The following MDGA2 variants were observed in gnomAD, a reference collection of about 807,000 sequenced individuals.
MDGA2 encodes the protein MAM domain containing glycosylphosphatidylinositol anchor 2, also known as MAM domain-containing glycosylphosphatidylinositol anchor protein 2.
In MDGA2, 40 loss-of-function variants were observed where a neutral mutation model predicts 117.8. The ratio of observed to expected loss-of-function variants is 0.34; its 90% CI spans 0.26 to 0.44. MDGA2 has a LOEUF of 0.44. Ranked by LOEUF, MDGA2 falls within the 20% of genes least tolerant of loss-of-function variation. The probability of loss-of-function intolerance (pLI) is 1.00; values close to 1 mark genes in which losing one functional copy is unlikely to be tolerated. For missense variants in MDGA2, 1,123 were observed against 1,250.6 expected (o/e 0.90, Z 1.54); for synonymous variants, 452 against 439.0 (o/e 1.03, Z -0.37).
At chr14:47,661,234 G>T (rs1230303461) in intron 1 of MDGA2, among the ~76,000 whole-genome samples, 2 of 151,876 alleles carry the variant, frequency 1.3e-5, no homozygotes, top group Non-Finnish European at 2.9e-5. Context: ...TTTCATATTT[G>T]ATTCCAAATT....
At chr14:47,658,443 A>C (rs896023886) in intron 1 of MDGA2, among the ~76,000 whole-genome samples, 16 of 152,146 alleles carry the variant, frequency 1.1e-4, no homozygotes, top group African/African-American at 3.9e-4. Flanking sequence ...TGGGTTCTAG[A>C]AGAAGTAGTA....
intron 1 of MDGA2, among the ~76,000 whole-genome samples, chr14:47,474,617 G>A (rs962841412): frequency 4.6e-5 from 7 of 152,018 alleles, no homozygotes; most frequent in Non-Finnish European, 7.4e-5. Flanking sequence ...AAAACGTCAC[G>A]GTACTGGTCC....
chr14:47,393,406 T>TAA (rs11378535), intron 1 of MDGA2, among the ~76,000 whole-genome samples: 21 of 151,176 alleles, frequency 1.4e-4, no homozygotes, highest in South Asian at 1.2e-3. Flanking sequence ...TTGCAATTAT[T>TAA]AAAAAAAATA....
At chr14:46,921,270 C>T (rs770908323) in intron 9 of MDGA2, among the ~76,000 whole-genome samples, 3 of 151,936 alleles carry the variant, frequency 2.0e-5, no homozygotes, top group Non-Finnish European at 2.9e-5. Flanking sequence ...GTATTTTTAT[C>T]ATCACTCATT....
intron 2 of MDGA2, among the ~76,000 whole-genome samples, chr14:47,242,668 GC>G (rs1464343523): frequency 6.6e-6 from 1 of 151,792 alleles, no homozygotes; most frequent in African/African-American, 2.4e-5. Context: ...CTGGGCCTTG[GC>G]TGCCTTCCCG....
chr14:47,162,400 G>C (rs1033136846), intron 3 of MDGA2, among the ~76,000 whole-genome samples: 5 of 152,078 alleles, frequency 3.3e-5, no homozygotes, highest in Admixed American at 2.0e-4. Context: ...CTGGCTACAG[G>C]ATTCCTGAGT....
At chr14:47,221,504 T>C (rs935224263) in intron 2 of MDGA2, among the ~76,000 whole-genome samples, 3 of 151,940 alleles carry the variant, frequency 2.0e-5, no homozygotes, top group African/African-American at 7.2e-5. Flanking sequence ...CTGGCTAACA[T>C]GGTGAAACCC....
At chr14:47,472,086 A>G (rs1391665960) in intron 1 of MDGA2, among the ~76,000 whole-genome samples, 1 of 152,202 alleles carries the variant, frequency 6.6e-6, no homozygotes, top group Non-Finnish European at 1.5e-5. Context: ...AAAACTAATG[A>G]TAATCCAGAA....
intron 1 of MDGA2, among the ~76,000 whole-genome samples, chr14:47,380,165 A>C (rs1433327220): frequency 1.3e-5 from 2 of 152,242 alleles, no homozygotes; most frequent in Admixed American, 6.5e-5. Flanking sequence ...ATGTTCTTTG[A>C]AACCAATGAG....
At chr14:47,624,181 G>T (rs1026275934) in intron 1 of MDGA2, among the ~76,000 whole-genome samples, 4 of 152,184 alleles carry the variant, frequency 2.6e-5, no homozygotes, top group African/African-American at 9.7e-5. Context: ...TTCTAGGCCG[G>T]GTGCGGTAGC....
intron 1 of MDGA2, among the ~76,000 whole-genome samples, chr14:47,548,126 A>G (rs1219469162): frequency 6.6e-6 from 1 of 152,146 alleles, no homozygotes; most frequent in East Asian, 1.9e-4. Context: ...TGTGTAGAGT[A>G]ACTTTTACCT....
intron 1 of MDGA2, among the ~76,000 whole-genome samples, chr14:47,529,853 A>C (rs1290264682): frequency 1.3e-5 from 2 of 152,242 alleles, no homozygotes; most frequent in Non-Finnish European, 2.9e-5. Flanking sequence ...TGAATATGAC[A>C]TTTATACAGT....
intron 8 of MDGA2, among the ~76,000 whole-genome samples, chr14:47,002,011 T>C (rs1460442697): frequency 6.6e-6 from 1 of 152,100 alleles, no homozygotes; most frequent in African/African-American, 2.4e-5. Flanking sequence ...ATATTGTATC[T>C]GTTATCTCCA....
intron 1 of MDGA2, among the ~76,000 whole-genome samples, chr14:47,561,153 GTT>G: frequency 1.6e-5 from 1 of 63,914 alleles, no homozygotes; most frequent in African/African-American, 3.8e-5. Context: ...TTTTTTTTTT[GTT>G]TTGTTTTGTT....
intron 10 of MDGA2, among the ~76,000 whole-genome samples, chr14:46,891,409 T>C (rs1261148684): frequency 6.6e-6 from 1 of 151,688 alleles, no homozygotes; most frequent in East Asian, 1.9e-4. Flanking sequence ...TTGTTAGCCT[T>C]TCTTATTCCT....
intron 1 of MDGA2, among the ~76,000 whole-genome samples, chr14:47,649,413 T>A (rs1357509421): frequency 6.6e-6 from 1 of 152,214 alleles, no homozygotes; most frequent in African/African-American, 2.4e-5. Context: ...GTCATAGTAG[T>A]TCCTGTCCTT....
chr14:47,293,194 T>C (rs1252736046), intron 2 of MDGA2, among the ~76,000 whole-genome samples: 1 of 152,214 alleles, frequency 6.6e-6, no homozygotes, highest in African/African-American at 2.4e-5. Context: ...AATAAATATG[T>C]GCTAACATTC....
At chr14:46,975,514 AG>A in intron 8 of MDGA2, among the ~76,000 whole-genome samples, 1 of 152,162 alleles carries the variant, frequency 6.6e-6, no homozygotes, top group Non-Finnish European at 1.5e-5. Context: ...TCAGCTTTTA[AG>A]GGGAATGAAA....
intron 1 of MDGA2, among the ~76,000 whole-genome samples, chr14:47,373,180 G>A (rs1257100832): frequency 6.6e-6 from 1 of 151,866 alleles, no homozygotes; most frequent in Non-Finnish European, 1.5e-5. Context: ...AAGAAGGGGT[G>A]GGAGAGATTT....
Sources: allele counts gnomAD v4.1 joint callset (sites outside exome capture counted in the v4.1 genomes callset), GRCh38; gene constraint gnomAD v4.1.1; transcripts MANE v1.5; gene names NCBI Gene and HGNC (gene_info 2026-07-23, HGNC 2026-07-21).